Variants in MYO1B observed in about 807,000 individuals in gnomAD.
MYO1B encodes the protein unconventional myosin-Ib.
A neutral mutation model predicts 159.7 loss-of-function variants in MYO1B; 72 were observed. That is an observed-to-expected ratio of 0.45 (90% CI 0.37 to 0.55). MYO1B has a LOEUF of 0.55. MYO1B is among the 20% of genes least tolerant of loss of function. The probability of loss-of-function intolerance (pLI) is 0.00; values close to 1 mark genes in which losing one functional copy is unlikely to be tolerated. For missense variants in MYO1B, 1,062 were observed against 1,364.8 expected (o/e 0.78, Z 3.50); for synonymous variants, 468 against 473.8 (o/e 0.99, Z 0.16).
chr2:191,409,850 A>G (rs1321833235), intron 26 of MYO1B, among the ~76,000 whole-genome samples: 2 of 152,216 alleles, frequency 1.3e-5, no homozygotes, highest in Non-Finnish European at 2.9e-5. Flanking sequence ...GTCAGTTGAT[A>G]TGTGGAATGT....
intron 5 of MYO1B, among the ~76,000 whole-genome samples, chr2:191,343,261 A>G (rs1216642189): frequency 6.6e-6 from 1 of 152,050 alleles, no homozygotes; most frequent in Non-Finnish European, 1.5e-5. Context: ...TTCAACACGG[A>G]TTAAAGCAGA....
chr2:191,369,554 C>G lies in MYO1B; in HGVS notation c.1045C>G (p.Arg349Gly). Residue 349 changes from arginine to glycine, a missense_variant, in exon 12 of 31, where the codon CGT becomes GGT. By Grantham distance (125) the Arg-to-Gly change is moderately radical. This residue lies in a region of MYO1B where 415 missense variants were observed against 544.0 expected (regional missense o/e 0.76). Transcript: ENST00000392318. ...TLNVAQAYYA[R>G]DALAKNLYSR... is the part of the protein sequence containing the mutation. ...TGTTTTTTAATAGGCTTATTATGCC[C>G]GTGATGCTCTGGCTAAAAACCTCTA... is the stretch of plus-strand genomic sequence containing the variant. The G allele has an allele frequency of 6.2e-7, 1 of 1,612,564 alleles. No homozygotes were observed. The highest frequency in any genetic ancestry group is 8.5e-7 in the Non-Finnish European group (1 of 1,179,010).
At chr2:191,374,281 A>G (rs1694559143) in intron 13 of MYO1B, among the ~76,000 whole-genome samples, 1 of 152,232 alleles carries the variant, frequency 6.6e-6, no homozygotes, top group South Asian at 2.1e-4. Flanking sequence ...AATTTCTGTG[A>G]TATTTTCCAC....
chr2:191,372,169 A>C (rs913147081), intron 13 of MYO1B, among the ~76,000 whole-genome samples: 1 of 152,246 alleles, frequency 6.6e-6, no homozygotes, highest in Admixed American at 6.5e-5. Flanking sequence ...CAGAGATTTC[A>C]CTAGAAAGTT....
intron 3 of MYO1B, among the ~76,000 whole-genome samples, chr2:191,305,660 A>G (rs1227452621): frequency 6.6e-6 from 1 of 152,218 alleles, no homozygotes; most frequent in Non-Finnish European, 1.5e-5. Flanking sequence ...GAAGGGAGAA[A>G]GCAGCCATAA....
chr2:191,340,888 G>A (rs1184269188), intron 4 of MYO1B, among the ~76,000 whole-genome samples: 2 of 151,968 alleles, frequency 1.3e-5, no homozygotes, highest in Admixed American at 6.6e-5. Flanking sequence ...ACCATGCCCG[G>A]CTTATTTTTG....
intron 5 of MYO1B, among the ~76,000 whole-genome samples, chr2:191,345,801 C>T (rs1279102636): frequency 1.3e-5 from 2 of 152,170 alleles, no homozygotes; most frequent in African/African-American, 2.4e-5. Flanking sequence ...TAAAGGTTCA[C>T]ATGCCATTCC....
At chr2:191,332,956 A>G (rs1043918899) in intron 4 of MYO1B, among the ~76,000 whole-genome samples, 1 of 152,180 alleles carries the variant, frequency 6.6e-6, no homozygotes, top group Admixed American at 6.5e-5. Flanking sequence ...GCCATACAGT[A>G]GGTAGTCAGT....
Position 191,390,441 on chromosome 2 carries a change from G to A in MYO1B, c.1931G>A (p.Arg644Lys). Residue 644 changes from arginine (R) to lysine (K), a missense_variant, in exon 18 of 31, where the codon AGA (arginine) becomes AAA (lysine). Arg to Lys is a conservative substitution (Grantham distance 26). Coordinates refer to ENST00000392318, the MANE Select transcript of MYO1B (RefSeq NM_001130158.3). ...CAGGCCTATGAACCTTGCCTAGAAAGATACAAAATGCTTTGTAAACAAACA... is the reference window on the plus strand; with the variant it reads ...CAGGCCTATGAACCTTGCCTAGAAAAATACAAAATGCTTTGTAAACAAACA... ...FRQAYEPCLE[R>K]YKMLCKQTWP... is the part of the protein sequence containing the mutation. 1 of 1,614,206 alleles carries A rather than the reference G, an allele frequency of 6.2e-7. No homozygotes were observed. The highest frequency in any genetic ancestry group is 8.5e-7 in the Non-Finnish European group (1 of 1,180,028).
chr2:191,409,278 C>G (rs1227954101), intron 26 of MYO1B, 100 bp downstream of exon 26: 1 of 1,309,186 alleles, frequency 7.6e-7, no homozygotes, highest in Non-Finnish European at 1.1e-6. Flanking sequence ...CTTCCTTTGC[C>G]TCAAAGAGGA....
At chr2:191,409,610 A>G (rs1291866361) in intron 26 of MYO1B, among the ~76,000 whole-genome samples, 1 of 152,266 alleles carries the variant, frequency 6.6e-6, no homozygotes, top group Middle Eastern at 3.2e-3. Flanking sequence ...ATCAGATAAT[A>G]CATGTGAACA....
Position 191,303,562 on chromosome 2 carries a change from G to T in MYO1B, c.251+7336G>T, listed in dbSNP as rs1454754. 4.1e-4 allele frequency among the ~76,000 whole-genome samples: 63 copies of T among 152,098 alleles called. 1 individual carries two copies. Among genetic ancestry groups the T allele is most frequent in the Admixed American group, 3.7e-3 (57 of 15,294 alleles). ...TGCCAGGCAGTCTTTCAGGCACTGG[G>T]ATACAGCAGTGAACAAAACAGATAA... On this transcript the variant is annotated intron_variant, in intron 3 of 30. Coordinates refer to ENST00000392318, the MANE Select transcript of MYO1B (RefSeq NM_001130158.3).
intron 2 of MYO1B, among the ~76,000 whole-genome samples, chr2:191,288,790 T>C (rs1027276760): frequency 1.3e-5 from 2 of 152,224 alleles, no homozygotes; most frequent in Non-Finnish European, 2.9e-5. Context: ...CCATCCTGGA[T>C]TTGAACTATA....
chr2:191,288,823 AT>A (rs1688533483), intron 2 of MYO1B, among the ~76,000 whole-genome samples: 1 of 152,146 alleles, frequency 6.6e-6, no homozygotes, highest in Admixed American at 6.5e-5. Context: ...AGCAATTGTG[AT>A]TTTTGCGTTG....
At chr2:191,411,912 T>C (rs1328764397) in intron 27 of MYO1B, among the ~76,000 whole-genome samples, 2 of 152,254 alleles carry the variant, frequency 1.3e-5, no homozygotes, top group African/African-American at 4.8e-5. Flanking sequence ...AAGCCAAATC[T>C]GTAACAACTT....
At chr2:191,350,292 A>G (rs1692829301) in intron 7 of MYO1B, 67 bp downstream of exon 7, 1 of 1,186,968 alleles carries the variant, frequency 8.4e-7, no homozygotes, top group Admixed American at 1.8e-5. Context: ...ATAGTAGAAT[A>G]GTTTAGATAC....
chr2:191,297,123 A>G (rs1449074730), intron 3 of MYO1B, among the ~76,000 whole-genome samples: 1 of 149,666 alleles, frequency 6.7e-6, no homozygotes, highest in Non-Finnish European at 1.5e-5. Flanking sequence ...TTCACCATTT[A>G]CATTCTCATG....
At chr2:191,398,961 T>C (rs560283827) in intron 21 of MYO1B, among the ~76,000 whole-genome samples, 10 of 152,304 alleles carry the variant, frequency 6.6e-5, no homozygotes, top group African/African-American at 2.4e-4. Context: ...GCCACTGCAC[T>C]CCAGCCTGGG....
At chr2:191,396,627 G>T (rs1306033426) in intron 21 of MYO1B, 130 bp downstream of exon 21, 2 of 850,334 alleles carry the variant, frequency 2.4e-6, no homozygotes, top group African/African-American at 3.4e-5. Context: ...CAGTCAGATG[G>T]AAAGAATAAA....
Sources: allele counts gnomAD v4.1 joint callset (sites outside exome capture counted in the v4.1 genomes callset), GRCh38; gene constraint gnomAD v4.1.1; regional missense constraint gnomAD v4.1.1; transcripts MANE v1.5; gene names NCBI Gene and HGNC (gene_info 2026-07-23, HGNC 2026-07-21).